MUC6: variants seen among roughly 807,000 people sequenced by gnomAD.
MUC6 encodes mucin-6.
Under a neutral mutation model 201.5 loss-of-function variants are expected in MUC6, and 188 were observed. The ratio of observed to expected loss-of-function variants is 0.93; its 90% CI spans 0.83 to 1.05. The LOEUF is 1.05. Ranked by LOEUF, MUC6 falls within the 50% of genes least tolerant of loss-of-function variation. MUC6 has a pLI of 0.00. For synonymous variants in MUC6, 1,228 were observed against 1,389.4 expected, an observed-to-expected ratio of 0.88 and a Z score of 2.58; for missense variants, 2,706 against 3,256.9, an observed-to-expected ratio of 0.83 and a Z score of 4.12.
chr11:1,022,300 C>T (rs1256303317), intron 26 of MUC6, among the ~76,000 whole-genome samples: 6 of 148,994 alleles, frequency 4.0e-5, no homozygotes, highest in African/African-American at 1.5e-4. Flanking sequence ...GCCCCGCGCC[C>T]CTCACTCACT....
chr11:1,026,127 C>T lies in MUC6; in HGVS notation c.2561G>A (p.Gly854Glu). The T allele has an allele frequency of 6.3e-7, 1 of 1,597,688 alleles. No homozygotes were observed. Among genetic ancestry groups the T allele is most frequent in the Non-Finnish European group, 8.5e-7 (1 of 1,173,226 alleles). Residue 854 changes from glycine (G) to glutamate (E), a missense_variant, in exon 21 of 33, where the codon GGG becomes GAG. By Grantham distance (98) the Gly-to-Glu change is moderately conservative. Coordinates refer to ENST00000421673, the MANE Select transcript of MUC6 (RefSeq NM_005961.3). ...TDCRTCSCSR[G>E]RWACQQGTHC... ...GGTGCCCTGCTGACAGGCCCACCTCCCCCTTGAGCAGGAGCTGTGGAGACA... is the reference window on the plus strand; with the variant it reads ...GGTGCCCTGCTGACAGGCCCACCTCTCCCTTGAGCAGGAGCTGTGGAGACA...
chr11:1,013,638 C>G lies in MUC6; in HGVS notation c.7143-5G>C. 1.3e-6 allele frequency: 2 copies of G among 1,557,770 alleles called. No homozygotes were observed. The highest frequency in any genetic ancestry group is 1.7e-6 in the Non-Finnish European group (2 of 1,152,014). Reference sequence around the variant, plus strand: ...TGCTGGGTGATGATGTTGAAGCTGCCGAGAAGTCAAGACAGAGCAGGGTCA... The same window carrying G: ...TGCTGGGTGATGATGTTGAAGCTGCGGAGAAGTCAAGACAGAGCAGGGTCA... On this transcript the variant is annotated splice_region_variant and splice_polypyrimidine_tract_variant and intron_variant, in intron 32 of 32. Transcript: ENST00000421673.
chr11:1,017,219 G>T lies in MUC6; in HGVS notation c.5582C>A (p.Thr1861Lys). 1 of 1,609,840 alleles carries T rather than the reference G, an allele frequency of 6.2e-7. No homozygotes were observed. Among genetic ancestry groups the T allele is most frequent in the Non-Finnish European group, 8.5e-7 (1 of 1,178,352 alleles). Residue 1861 changes from threonine to lysine, a missense_variant, in exon 31 of 33, where the codon ACA (threonine) becomes AAA (lysine). By Grantham distance (78) the Thr-to-Lys change is moderately conservative (BLOSUM62 -1). Transcript: ENST00000421673. Reference sequence around the variant, plus strand: ...GATGGAGGCAGAAGTGGCCATCTGTGTGTGGGTAGGGATGATGACCGTGTG... The same window carrying T: ...GATGGAGGCAGAAGTGGCCATCTGTTTGTGGGTAGGGATGATGACCGTGTG... ...STHTVIIPTH[T>K]QMATSASIHS...
intron 2 of MUC6, 50 bp downstream of exon 2, chr11:1,032,963 C>T (rs760092780): frequency 6.6e-7 from 1 of 1,526,102 alleles, no homozygotes; most frequent in Admixed American, 1.9e-5. Flanking sequence ...CTCCTGCACA[C>T]CGGGCCTGGG....
rs369109865 is a variant in MUC6, at chr11:1,025,197, G to A, written c.2970C>T (p.Ile990=). ...WNRHMTILIR[I]ARASQDPLCG... ...CGTGCGGTACCTGGGAGGCACGGGC[G>A]ATCCTGATGAGGATGGTCATGTGCC... The change falls in exon 23 of 33, where the codon ATC becomes ATT. Residue 990 remains isoleucine (I), a synonymous_variant. Transcript: ENST00000421673. The A allele has an allele frequency of 2.6e-5, 42 of 1,611,972 alleles. No individual in the cohort carries two copies. The highest frequency in any genetic ancestry group is 1.7e-4 in the Middle Eastern group (1 of 6,058).
intron 31 of MUC6, among the ~76,000 whole-genome samples, chr11:1,014,976 A>T (rs377595390): frequency 6.6e-6 from 1 of 152,228 alleles, no homozygotes; most frequent in East Asian, 1.9e-4. Context: ...TGCAGCAACG[A>T]GCTGCCACCC....
rs1219311444 is a variant in MUC6 at position 1,017,500 on chromosome 11, G to C, written c.5301C>G (p.Thr1767=). 2.7e-6 allele frequency: 4 copies of C among 1,473,856 alleles called. No individual in the cohort carries two copies. Among genetic ancestry groups the C allele is most frequent in the Non-Finnish European group, 3.7e-6 (4 of 1,090,782 alleles). 91.3% of individuals were successfully genotyped at this position (1,473,856 alleles called of 1,614,324 possible). Residue 1767 remains threonine (T), a synonymous_variant, in exon 31 of 33, where the codon ACC becomes ACG. Transcript: ENST00000421673. ...HHPEVTSTST[T]SITPNHTSTG... ...TACTGGTGTGGTTGGGGGTGATGCTGGTGGTAGAAGTTGAGGTGACTTCAG... is the reference window on the plus strand; with the variant it reads ...TACTGGTGTGGTTGGGGGTGATGCTCGTGGTAGAAGTTGAGGTGACTTCAG...
At chr11:1,023,406 G>C in intron 26 of MUC6, 103 bp downstream of exon 26, 1 of 1,364,868 alleles carries the variant, frequency 7.3e-7, no homozygotes, top group East Asian at 2.5e-5. Context: ...TAATGAGCAT[G>C]AATGAATGTG....
chr11:1,033,092 C>T lies in MUC6; in HGVS notation c.53-17G>A, dbSNP rs753676417. On this transcript the variant is annotated splice_polypyrimidine_tract_variant and intron_variant, in intron 1 of 32. Coordinates refer to ENST00000421673, the MANE Select transcript of MUC6 (RefSeq NM_005961.3). The surrounding 1 kb of genome is among the most constrained non-coding windows in gnomAD (Gnocchi z 5.6). ...TAGCCAGACCTGTGTGGACGGGACC[C>T]GCAGTCGGTGTGGGGCTACCCCGTC... 3.7e-6 allele frequency: 6 copies of T among 1,613,070 alleles called. No individual in the cohort carries two copies. The highest frequency in any genetic ancestry group is 2.2e-5 in the East Asian group (1 of 44,870).
In MUC6 at chr11:1,031,685, G is replaced by C; in HGVS notation, c.405C>G (p.Phe135Leu). Residue 135 changes from phenylalanine to leucine, a missense_variant, in exon 4 of 33, where the codon TTC (phenylalanine) becomes TTG (leucine). This residue lies in a region of MUC6 where 1,850 missense variants were observed against 1,958.3 expected (regional missense o/e 0.94). Transcript: ENST00000421673. ...YTSNGLQITP[F>L]GQSVRLVAKQ... ...TGGCCACCAGCCGCACGCTCTGGCC[G>C]AAGGGTGTGATCTGGAGTCCATTGC... 6.4e-7 allele frequency: 1 copy of C among 1,550,938 alleles called. No individual in the cohort carries two copies. The highest frequency in any genetic ancestry group is 8.7e-7 in the Non-Finnish European group (1 of 1,147,042).
Position 1,029,163 on chromosome 11 carries a change from G to C in MUC6, c.1276-13C>G. 1 of 1,609,142 alleles carries C rather than the reference G, an allele frequency of 6.2e-7. No individual in the cohort carries two copies. Among genetic ancestry groups the C allele is most frequent in the Non-Finnish European group, 8.5e-7 (1 of 1,178,400 alleles). On this transcript the variant is annotated splice_polypyrimidine_tract_variant and intron_variant, in intron 10 of 32. Coordinates refer to ENST00000421673, the MANE Select transcript of MUC6 (RefSeq NM_005961.3). ...GAAGCTGGGGGCTCTGCGAGGGGGC[G>C]GGGCTCAGACACGGGTGGGGTCACC...
Position 1,032,010 on chromosome 11 carries a change from G to T in MUC6, c.159C>A (p.Phe53Leu). ...CGTACACGTGGTGGTCGAAGGTGGAGAAGTGACCAGCCCCCCACGTGGAGC... is the reference window on the plus strand; with the variant it reads ...CGTACACGTGGTGGTCGAAGGTGGATAAGTGACCAGCCCCCCACGTGGAGC... ...GQCSTWGAGH[F>L]STFDHHVYDF... is the part of the protein sequence containing the mutation. The change falls in exon 3 of 33, where the codon TTC becomes TTA. Residue 53 changes from phenylalanine (F) to leucine (L), a missense_variant. By Grantham distance (22) the Phe-to-Leu change is conservative (BLOSUM62 0). This residue lies in a region of MUC6 where 1,850 missense variants were observed against 1,958.3 expected (regional missense o/e 0.94). Coordinates refer to ENST00000421673, the MANE Select transcript of MUC6 (RefSeq NM_005961.3). 6.2e-7 allele frequency: 1 copy of T among 1,613,504 alleles called. No homozygotes were observed.
Position 1,036,652 on chromosome 11 carries a change from C to T in MUC6, c.4G>A (p.Val2Ile). The change falls in exon 1 of 33, where the codon GTC (valine) becomes ATC (isoleucine). Residue 2 changes from valine (V) to isoleucine (I), a missense_variant. Around this residue, in one of 10 missense-constraint regions of MUC6, gnomAD observed 1,850 missense variants for 1,958.3 expected, o/e 0.94. Transcript: ENST00000421673. M[V>I]QRWLLLSCCG... ...CAGGACAGCAGCAGCCACCGCTGGA[C>T]CATGGTGCACAGTGGAGAGGAGCTC... is the stretch of plus-strand genomic sequence containing the variant. 6.5e-7 allele frequency: 1 copy of T among 1,547,244 alleles called. No homozygotes were observed. Among genetic ancestry groups the T allele is most frequent in the Non-Finnish European group, 8.7e-7 (1 of 1,146,452 alleles).
chr11:1,023,147 G>C (rs897264249), intron 26 of MUC6, among the ~76,000 whole-genome samples: 5 of 151,850 alleles, frequency 3.3e-5, no homozygotes, highest in Admixed American at 3.3e-4. Flanking sequence ...ATGTGCGTGA[G>C]TGAATGTGCG....
Position 1,013,127 on chromosome 11 carries a change from C to T in MUC6, c.*329G>A. The T allele has an allele frequency of 2.6e-6, 1 of 387,408 alleles. No individual in the cohort carries two copies. Among genetic ancestry groups the T allele is most frequent in the Non-Finnish European group, 4.7e-6 (1 of 214,514 alleles). 24.0% of individuals were successfully genotyped at this position (387,408 alleles called of 1,614,324 possible). ...TTCATCTGCAGGGTTCTGGGCCCAG[C>T]AGGGCTGGGGCCAAGTTCAGGGGCT... On this transcript the variant is annotated 3_prime_UTR_variant, in exon 33 of 33. Coordinates refer to ENST00000421673, the MANE Select transcript of MUC6 (RefSeq NM_005961.3).
In MUC6 at chr11:1,024,923, A is replaced by G; in HGVS notation, c.3146T>C (p.Leu1049Pro). ...DVSFVTDPCS[L>P]NAFRRSWAER... Reference sequence around the variant, plus strand: ...GGCCCAGGAGCGCCGGAAGGCATTGAGACTGCAGGGGTCTGTCACGAAGCT... The same window carrying G: ...GGCCCAGGAGCGCCGGAAGGCATTGGGACTGCAGGGGTCTGTCACGAAGCT... The change falls in exon 24 of 33, where the codon CTC (leucine) becomes CCC (proline). Residue 1049 changes from leucine to proline, a missense_variant. Physicochemically the swap from Leu to Pro is moderately conservative, Grantham distance 98. Around this residue, in one of 10 missense-constraint regions of MUC6, gnomAD observed 1,850 missense variants for 1,958.3 expected, o/e 0.94. Transcript: ENST00000421673. 6.2e-7 allele frequency: 1 copy of G among 1,612,914 alleles called. No homozygotes were observed. Among genetic ancestry groups the G allele is most frequent in the Non-Finnish European group, 8.5e-7 (1 of 1,179,882 alleles).
chr11:1,029,110 T>G lies in MUC6; in HGVS notation c.1316A>C (p.Tyr439Ser). The G allele has an allele frequency of 6.2e-7, 1 of 1,612,452 alleles. No individual in the cohort carries two copies. The highest frequency in any genetic ancestry group is 8.5e-7 in the Non-Finnish European group (1 of 1,179,744). Residue 439 changes from tyrosine (Y) to serine (S), a missense_variant, in exon 11 of 33, where the codon TAC (tyrosine) becomes TCC (serine). Physicochemically the swap from Tyr to Ser is moderately radical, Grantham distance 144 (BLOSUM62 -2). Transcript: ENST00000421673. Reference sequence around the variant, plus strand: ...GGAGTGTGAGACGCCGGACTTGTCGTACACAGCCATGAGGGCACCGTCCTC... The same window carrying G: ...GGAGTGTGAGACGCCGGACTTGTCGGACACAGCCATGAGGGCACCGTCCTC... ...LPEDGALMAV[Y>S]DKSGVSHSET...
chr11:1,031,481 G>A (rs1194828302), intron 4 of MUC6, 126 bp downstream of exon 4: 22 of 1,439,256 alleles, frequency 1.5e-5, no homozygotes, highest in Non-Finnish European at 1.1e-5. Context: ...TGCTTGGCAC[G>A]AAGGGCCTGG....
chr11:1,019,429 C>T lies in MUC6; in HGVS notation c.3876G>A (p.Leu1292=). 1.2e-6 allele frequency: 2 copies of T among 1,613,750 alleles called. No individual in the cohort carries two copies. The highest frequency in any genetic ancestry group is 2.2e-5 in the East Asian group (1 of 44,868). ...CTGTGGGTTTTGTGGCTGTCGATCT[C>T]AGTGTGGCTGTGGGAGGCAGCCCTG... ...ATSGLPPTAT[L]RSTATKPTVT... is the part of the protein sequence containing the mutation. The change falls in exon 30 of 33, where the codon CTG becomes CTA. Residue 1292 remains leucine (L), a synonymous_variant. Coordinates refer to ENST00000421673, the MANE Select transcript of MUC6 (RefSeq NM_005961.3).
Sources: allele counts gnomAD v4.1 joint callset (sites outside exome capture counted in the v4.1 genomes callset), GRCh38; gene constraint gnomAD v4.1.1; regional missense constraint gnomAD v4.1.1; non-coding constraint Gnocchi (gnomAD v3.1); transcripts MANE v1.5; gene names NCBI Gene and HGNC (gene_info 2026-07-23, HGNC 2026-07-21).